The following AXIN1 variants were observed in gnomAD, a reference collection of about 807,000 sequenced individuals.
AXIN1 encodes axin-1.
In AXIN1, 30 loss-of-function variants were observed where a neutral mutation model predicts 76.4. The ratio of observed to expected loss-of-function variants is 0.39; its 90% CI spans 0.29 to 0.53. The LOEUF (loss-of-function observed/expected upper bound fraction) is 0.53, where lower values mean the gene tolerates loss of function less well. Among genes scored for constraint, AXIN1 ranks in the 20% least tolerant of loss-of-function variants. The pLI is 0.66. For synonymous variants in AXIN1, 545 were observed against 501.4 expected (o/e 1.09, Z -1.16); for missense variants, 1,140 against 1,198.8 (o/e 0.95, Z 0.72).
intron 2 of AXIN1, among the ~76,000 whole-genome samples, chr16:333,071 C>T (rs1388662321): frequency 1.3e-5 from 2 of 152,074 alleles, no homozygotes; most frequent in African/African-American, 2.4e-5. Context: ...CAATTGCTCA[C>T]GCCTGTAATC....
intron 9 of AXIN1, chr16:289,933 T>G: frequency 2.1e-6 from 1 of 480,238 alleles, no homozygotes; most frequent in Non-Finnish European, 3.8e-6. Context: ...GGCTCCTATC[T>G]CAGGAAGACC....
intron 5 of AXIN1, among the ~76,000 whole-genome samples, chr16:298,852 T>C (rs936327901): frequency 3.3e-5 from 5 of 152,264 alleles, no homozygotes; most frequent in African/African-American, 9.6e-5. Context: ...CCCTGCAACC[T>C]CTGCCTCCTG....
chr16:297,907 T>C lies in AXIN1; in HGVS notation c.1599A>G (p.Arg533=), dbSNP rs2052759312. The C allele has an allele frequency of 6.3e-7, 1 of 1,595,202 alleles. No individual in the cohort carries two copies. The highest frequency in any genetic ancestry group is 1.1e-5 in the South Asian group (1 of 89,258). Residue 533 remains arginine (R), a synonymous_variant, in exon 6 of 11, where the codon CGA becomes CGG. Transcript: ENST00000262320. ...TGTGGTGGACGTGGTGGTGGACGTG[T>C]CGGTGGTGGTGCAGGCCGGCCGCGT... ...KLDAAGLHHH[R]HVHHHVHHST... is the part of the protein sequence containing the mutation.
At position 293,152 on chromosome 16, in the gene AXIN1, G is replaced by A. The variant is rs1020206489; in HGVS notation, c.2186+336C>T. On this transcript the variant is annotated intron_variant, in intron 8 of 10. Transcript: ENST00000262320. This position sits in a 1 kb window ranked among gnomAD's most constrained non-coding sequence, Gnocchi z 4.6. Reference sequence around the variant, plus strand: ...CCTAAAGCCCAGGCTGCCCAGCAGCGAGCAGCCTCTGGCTGGGGACCGGCG... The same window carrying A: ...CCTAAAGCCCAGGCTGCCCAGCAGCAAGCAGCCTCTGGCTGGGGACCGGCG... The A allele has an allele frequency of 6.5e-5, 27 of 418,090 alleles. No individual in the cohort carries two copies. The highest frequency in any genetic ancestry group is 6.4e-4 in the East Asian group (15 of 23,546). 25.9% of individuals were successfully genotyped at this position (418,090 alleles called of 1,614,324 possible). A position where few individuals can be genotyped will look rare whatever the true frequency, so the allele number is the denominator to read the frequency against.
chr16:324,357 T>C (rs534561081), intron 2 of AXIN1, among the ~76,000 whole-genome samples: 1 of 151,992 alleles, frequency 6.6e-6, no homozygotes, highest in African/African-American at 2.4e-5. Flanking sequence ...GGAATGCGGG[T>C]GCATAGAAAC....
chr16:341,033 A>AC (rs1206963729), intron 2 of AXIN1, among the ~76,000 whole-genome samples: 1 of 152,226 alleles, frequency 6.6e-6, no homozygotes, highest in East Asian at 1.9e-4. Flanking sequence ...AGGGGTCAGC[A>AC]CCCGAGGGCT....
Position 297,310 on chromosome 16 carries a change from C to A in AXIN1, c.1785-84G>T, listed in dbSNP as rs2141505411. 3.2e-6 allele frequency: 5 copies of A among 1,568,194 alleles called. No individual in the cohort carries two copies. In the Admixed American group the frequency reaches 6.7e-5, roughly 21 times the overall value. ...CCTCGTCTGCGAGGCCCCCTCCTGG[C>A]ATCTGTAAGGCTCCCGTGGTGCAGC... is the stretch of plus-strand genomic sequence containing the variant. On this transcript the variant is annotated intron_variant, in intron 6 of 10. Transcript: ENST00000262320.
intron 3 of AXIN1, among the ~76,000 whole-genome samples, chr16:314,245 T>C (rs568136055): frequency 1.1e-4 from 16 of 152,288 alleles, no homozygotes; most frequent in Admixed American, 5.2e-4. Flanking sequence ...CTTGTACTGC[T>C]TGGAGGACAG....
In AXIN1 at chr16:350,665, C is replaced by G. The variant is rs114305638; in HGVS notation, c.-82+1704G>C. Among the ~76,000 whole-genome samples the G allele has an allele frequency of 4.8e-3, 735 of 152,334 alleles. 7 individuals carry two copies. Among genetic ancestry groups the G allele is most frequent in the African/African-American group, 0.017 (704 of 41,562 alleles). ...TTGAAGGTTCAGGGCTACTATTTCA[C>G]ATGTAATTTATTCCCCCATCACTGA... On this transcript the variant is annotated intron_variant, in intron 1 of 10. Coordinates refer to ENST00000262320, the MANE Select transcript of AXIN1 (RefSeq NM_003502.4).
In AXIN1 at chr16:346,165, G is replaced by C. The variant is rs755122731; in HGVS notation, c.861C>G (p.Ser287Arg). The C allele has an allele frequency of 6.2e-7, 1 of 1,613,710 alleles. No individual in the cohort carries two copies. Among genetic ancestry groups the C allele is most frequent in the Non-Finnish European group, 8.5e-7 (1 of 1,180,026 alleles). The change falls in exon 2 of 11, where the codon AGC (serine) becomes AGG (arginine). Residue 287 changes from serine to arginine, a missense_variant. Transcript: ENST00000262320. Reference sequence around the variant, plus strand: ...GGACTCACCTGAACTCTCTGCCTTCGCTGTACCGTCTACTGGAGGAGACCC... The same window carrying C: ...GGACTCACCTGAACTCTCTGCCTTCCCTGTACCGTCTACTGGAGGAGACCC... ...APRVSSSRRY[S>R]EGREFRYGSW...
At chr16:298,334 C>A (rs2141517785) in intron 5 of AXIN1, 83 bp from the exon 6 acceptor site, 1 of 1,526,178 alleles carries the variant, frequency 6.6e-7, no homozygotes, top group African/African-American at 1.4e-5. Flanking sequence ...CCTGACCCAG[C>A]AGCCCCAGCA....
rs1467031346 is a variant in AXIN1 at position 293,399 on chromosome 16, T to C, written c.2186+89A>G. 3 of 1,362,708 alleles carry C rather than the reference T, an allele frequency of 2.2e-6. No individual in the cohort carries two copies. Among genetic ancestry groups the C allele is most frequent in the Non-Finnish European group, 3.0e-6 (3 of 983,632 alleles). 84.4% of individuals were successfully genotyped at this position (1,362,708 alleles called of 1,614,324 possible). A position where few individuals can be genotyped will look rare whatever the true frequency, so the allele number is the denominator to read the frequency against. ...GACACCCAGAGGGCCGTTTTTCCCC[T>C]GAAGACCTCAGGCCTCGGGGAGCTT... On this transcript the variant is annotated intron_variant, in intron 8 of 10. Transcript: ENST00000262320. This position sits in a 1 kb window ranked among gnomAD's most constrained non-coding sequence, Gnocchi z 4.6.
chr16:295,658 C>T (rs941279239), intron 7 of AXIN1, among the ~76,000 whole-genome samples: 1 of 152,066 alleles, frequency 6.6e-6, no homozygotes, highest in African/African-American at 2.4e-5. Flanking sequence ...TTAGTATATA[C>T]AGCTATTTAA....
At position 289,451 on chromosome 16, in the gene AXIN1, C is replaced by CTTT; in HGVS notation, c.2448_2450dup (p.Lys817dup). The CTTT allele has an allele frequency of 6.2e-7, 1 of 1,612,892 alleles. No homozygotes were observed. The highest frequency in any genetic ancestry group is 8.5e-7 in the Non-Finnish European group (1 of 1,180,004). On this transcript the variant is annotated inframe_insertion, in exon 10 of 11. Transcript: ENST00000262320. ...GCCCTCACACTCACCTGTAGCTGCC[C>CTTT]TTTTTGGTCAGCAGCTCCTTGAACT...
At chr16:331,057 C>T (rs991979013) in intron 2 of AXIN1, among the ~76,000 whole-genome samples, 1 of 152,190 alleles carries the variant, frequency 6.6e-6, no homozygotes, top group Non-Finnish European at 1.5e-5. Context: ...GAATACATCA[C>T]TTACCCAGAA....
At chr16:291,708 T>C (rs899940212) in intron 8 of AXIN1, 2 of 324,352 alleles carry the variant, frequency 6.2e-6, no homozygotes, top group African/African-American at 4.3e-5. Flanking sequence ...CAACTCGGTC[T>C]GCACCTCAGG....
At chr16:299,987 G>A (rs1428820474) in intron 5 of AXIN1, among the ~76,000 whole-genome samples, 2 of 149,078 alleles carry the variant, frequency 1.3e-5, no homozygotes, top group Non-Finnish European at 3.0e-5. Flanking sequence ...TTTTGAGACG[G>A]AGTTTCACTC....
chr16:343,430 A>C (rs1426422876), intron 2 of AXIN1, among the ~76,000 whole-genome samples: 1 of 152,172 alleles, frequency 6.6e-6, no homozygotes, highest in Non-Finnish European at 1.5e-5. Flanking sequence ...GGCCGGGCGC[A>C]GTGGCTCACA....
intron 2 of AXIN1, among the ~76,000 whole-genome samples, chr16:319,961 T>C (rs1280518682): frequency 6.6e-6 from 1 of 152,164 alleles, no homozygotes; most frequent in East Asian, 1.9e-4. Context: ...TATTTTTTGC[T>C]TTCCATTTCC....
Sources: gnomAD v4.1 joint callset for allele counts (sites outside exome capture counted in the v4.1 genomes callset) on GRCh38, gnomAD v4.1.1 for gene constraint, Gnocchi (gnomAD v3.1) non-coding constraint, MANE v1.5 for transcripts, NCBI Gene and HGNC (gene_info 2026-07-23, HGNC 2026-07-21) for gene names.